DGKD: variants seen among roughly 807,000 people sequenced by gnomAD.
DGKD encodes DAG kinase delta.
A neutral mutation model predicts 154.4 loss-of-function variants in DGKD; 68 were observed. That is an observed-to-expected ratio of 0.44 (90% CI 0.36 to 0.54). The LOEUF (loss-of-function observed/expected upper bound fraction) is 0.54, where lower values mean the gene tolerates loss of function less well. DGKD is among the 20% of genes least tolerant of loss of function. The pLI, the probability that DGKD is intolerant of heterozygous loss-of-function variation, is 0.00. For missense variants in DGKD, 1,343 were observed against 1,593.6 expected (o/e 0.84, Z 2.68); for synonymous variants, 693 against 638.0 (o/e 1.09, Z -1.30).
chr2:233,464,722 C>T (rs72980376), intron 27 of DGKD, among the ~76,000 whole-genome samples: 17,154 of 152,270 alleles, frequency 0.11, 1,059 homozygotes, highest in African/African-American at 0.16. Flanking sequence ...GACTCCAGCT[C>T]GTCGCAGGTC....
In DGKD at chr2:233,467,111, G is replaced by A. The variant is rs559299318; in HGVS notation, c.3332G>A (p.Arg1111His). The change falls in exon 28 of 30, where the codon CGC becomes CAC. Residue 1111 changes from arginine (R) to histidine (H), a missense_variant. By Grantham distance (29) the Arg-to-His change is conservative. Around this residue, in one of 6 missense-constraint regions of DGKD, gnomAD observed 429 missense variants for 496.3 expected, o/e 0.86. Transcript: ENST00000264057. ...AGTGTGATGCTGGATCTTGCCAAGC[G>A]CAGTCGCAGTGGTAAATTCCGCCTC... is the stretch of plus-strand genomic sequence containing the variant. ...EESVMLDLAK[R>H]SRSGKFRLVT... 1.5e-5 allele frequency: 25 copies of A among 1,614,092 alleles called. 1 individual carries two copies. Among genetic ancestry groups the A allele is most frequent in the South Asian group, 5.5e-5 (5 of 91,086 alleles).
At position 233,471,000 on chromosome 2, in the gene DGKD, C is replaced by G. The variant is rs903513290; in HGVS notation, c.*1540C>G. On this transcript the variant is annotated 3_prime_UTR_variant, in exon 30 of 30. Coordinates refer to ENST00000264057, the MANE Select transcript of DGKD (RefSeq NM_152879.3). Reference sequence around the variant, plus strand: ...AGACCGGGCTGGGTCTGCAGCAGCCCCTGGTCCTGAGCAGGCGGCAGTGAA... The same window carrying G: ...AGACCGGGCTGGGTCTGCAGCAGCCGCTGGTCCTGAGCAGGCGGCAGTGAA... The G allele has an allele frequency of 6.6e-6, 1 of 152,512 alleles. No individual in the cohort carries two copies. Among genetic ancestry groups the G allele is most frequent in the Non-Finnish European group, 1.5e-5 (1 of 68,220 alleles). 9.4% of individuals were successfully genotyped at this position (152,512 alleles called of 1,614,324 possible).
intron 1 of DGKD, among the ~76,000 whole-genome samples, chr2:233,386,878 T>C (rs1305160357): frequency 6.6e-6 from 1 of 152,140 alleles, no homozygotes; most frequent in Non-Finnish European, 1.5e-5. Context: ...GTGCAGCCAG[T>C]TCCCCCCAAC....
At chr2:233,392,608 G>A (rs902174027) in intron 3 of DGKD, among the ~76,000 whole-genome samples, 7 of 152,134 alleles carry the variant, frequency 4.6e-5, no homozygotes, top group East Asian at 1.9e-4. Context: ...CTTTCTATGA[G>A]TTTATGTTTT....
chr2:233,394,630 C>T (rs932820626), intron 3 of DGKD, among the ~76,000 whole-genome samples: 2 of 151,012 alleles, frequency 1.3e-5, no homozygotes, highest in African/African-American at 4.9e-5. Context: ...ATACATACCC[C>T]CCACCCTTTT....
chr2:233,416,502 T>C (rs1173724852), intron 3 of DGKD, among the ~76,000 whole-genome samples: 1 of 152,232 alleles, frequency 6.6e-6, no homozygotes, highest in Non-Finnish European at 1.5e-5. Context: ...TTCGGGTAGC[T>C]TATGAAACTC....
intron 3 of DGKD, among the ~76,000 whole-genome samples, chr2:233,422,450 C>T (rs912851963): frequency 1.3e-5 from 2 of 152,186 alleles, no homozygotes; most frequent in African/African-American, 4.8e-5. Context: ...TGGACTCAGG[C>T]GCAGGGACAG....
rs191124357 is a variant in DGKD, at chr2:233,358,949, A to G, written c.156+4275A>G. 6.5e-3 allele frequency among the ~76,000 whole-genome samples: 994 copies of G among 152,308 alleles called. 5 individuals carry two copies. Among genetic ancestry groups the G allele is most frequent in the Middle Eastern group, 0.017 (5 of 294 alleles). On this transcript the variant is annotated intron_variant, in intron 1 of 29. Coordinates refer to ENST00000264057, the MANE Select transcript of DGKD (RefSeq NM_152879.3). ...AAGTGCTGGGCCATATGGTAATACT[A>G]CCGGACTATTTTCCAGCTAAAAAGC...
rs1202042603 is a variant in DGKD at position 233,438,974 on chromosome 2, T to C, written c.1085+595T>C. On this transcript the variant is annotated intron_variant, in intron 9 of 29. Transcript: ENST00000264057. The surrounding 1 kb of genome is among the most constrained non-coding windows in gnomAD (Gnocchi z 4.1). ...AAGGCAGGAACACGTAAGGGCGGCG[T>C]TGGGCCAGAGCGATTTCCACTGTGC... is the stretch of plus-strand genomic sequence containing the variant. 6.6e-6 allele frequency among the ~76,000 whole-genome samples: 1 copy of C among 152,240 alleles called. No individual in the cohort carries two copies. Among genetic ancestry groups the C allele is most frequent in the African/African-American group, 2.4e-5 (1 of 41,466 alleles).
intron 1 of DGKD, among the ~76,000 whole-genome samples, chr2:233,378,998 C>T (rs1247902114): frequency 1.3e-5 from 2 of 152,218 alleles, no homozygotes; most frequent in Admixed American, 1.3e-4. Context: ...GCCACTGTAG[C>T]CCAGCCTGGT....
intron 3 of DGKD, among the ~76,000 whole-genome samples, chr2:233,402,323 T>C (rs2061580215): frequency 6.6e-6 from 1 of 152,324 alleles, no homozygotes; most frequent in South Asian, 2.1e-4. Flanking sequence ...ACAACCACTT[T>C]GGGACCCCCT....
chr2:233,442,922 A>G (rs1464032021), intron 10 of DGKD, among the ~76,000 whole-genome samples: 1 of 151,678 alleles, frequency 6.6e-6, no homozygotes, highest in Non-Finnish European at 1.5e-5. Context: ...CTTTTAAAAA[A>G]CCACTAATTA....
Position 233,464,200 on chromosome 2 carries a change from G to A in DGKD, c.3223G>A (p.Ala1075Thr). ...GCCTCAGAAGGAGCAGCTGGGGAGT[G>A]CTCTTGCCGAGATGGACCGACAGCT... ...DPPQKEQLGS[A>T]LAEMDRQLRR... The change falls in exon 27 of 30, where the codon GCT becomes ACT. Residue 1075 changes from alanine (A) to threonine (T), a missense_variant. Coordinates refer to ENST00000264057, the MANE Select transcript of DGKD (RefSeq NM_152879.3). 6.2e-7 allele frequency: 1 copy of A among 1,613,656 alleles called. No individual in the cohort carries two copies. Among genetic ancestry groups the A allele is most frequent in the Non-Finnish European group, 8.5e-7 (1 of 1,180,040 alleles).
intron 10 of DGKD, chr2:233,442,388 G>C: frequency 3.2e-6 from 1 of 307,744 alleles, no homozygotes; most frequent in Non-Finnish European, 6.4e-6. Flanking sequence ...TGGTTCATTG[G>C]ACTTAGTTTT....
chr2:233,432,208 G>C (rs112265433), intron 3 of DGKD, among the ~76,000 whole-genome samples: 1 of 88,312 alleles, frequency 1.1e-5, no homozygotes, highest in African/African-American at 4.3e-5. Flanking sequence ...TGGCTAACAC[G>C]GTGAAACCTC....
chr2:233,446,676 G>C lies in DGKD; in HGVS notation c.1335-36G>C, dbSNP rs775295375. 4.4e-6 allele frequency: 7 copies of C among 1,605,544 alleles called. No homozygotes were observed. The East Asian group carries it at 1.6e-4, about 36-fold the overall frequency. On this transcript the variant is annotated intron_variant, in intron 11 of 29. Transcript: ENST00000264057. The stretch of plus-strand genomic sequence containing the variant: ...AGGGTTCACCCTTGTGGGCCTGCAC[G>C]TCTTGCCGCCTGTGCAGCTGACCTT...
chr2:233,416,733 G>A (rs2061969734), intron 3 of DGKD, among the ~76,000 whole-genome samples: 1 of 152,140 alleles, frequency 6.6e-6, no homozygotes, highest in Non-Finnish European at 1.5e-5. Context: ...GGGACCTTTG[G>A]TTTGCCTTTC....
At chr2:233,393,535 G>T (rs1393085754) in intron 3 of DGKD, among the ~76,000 whole-genome samples, 1 of 151,208 alleles carries the variant, frequency 6.6e-6, no homozygotes, top group South Asian at 2.1e-4. Flanking sequence ...ATGGGTTTTC[G>T]CCATGTTGTC....
intron 1 of DGKD, among the ~76,000 whole-genome samples, chr2:233,375,728 G>C (rs562454264): frequency 6.6e-6 from 1 of 152,152 alleles, no homozygotes; most frequent in Admixed American, 6.5e-5. Context: ...TATGACACTT[G>C]AAAACAATTT....
Sources: gnomAD v4.1 joint callset for allele counts (sites outside exome capture counted in the v4.1 genomes callset) on GRCh38, gnomAD v4.1.1 for gene constraint, gnomAD v4.1.1 regional missense constraint, Gnocchi (gnomAD v3.1) non-coding constraint, MANE v1.5 for transcripts, NCBI Gene and HGNC (gene_info 2026-07-23, HGNC 2026-07-21) for gene names.